Variants in CC2D1B observed in about 807,000 individuals in gnomAD.
CC2D1B encodes coiled-coil and C2 domain containing 1B.
In CC2D1B, 92 loss-of-function variants were observed where a neutral mutation model predicts 110.8. That is an observed-to-expected ratio of 0.83 (90% CI 0.70 to 0.99). The LOEUF (loss-of-function observed/expected upper bound fraction) is 0.99, where lower values mean the gene tolerates loss of function less well. Ranked by LOEUF, CC2D1B falls within the 50% of genes least tolerant of loss-of-function variation. The probability of loss-of-function intolerance (pLI) is 0.00; values close to 1 mark genes in which losing one functional copy is unlikely to be tolerated. For synonymous variants in CC2D1B, 406 were observed against 429.2 expected (o/e 0.95, Z 0.67); for missense variants, 1,136 against 1,089.0 (o/e 1.04, Z -0.61).
intron 16 of CC2D1B, 48 bp downstream of exon 16, chr1:52,356,953 G>A: frequency 6.6e-7 from 1 of 1,526,304 alleles, no homozygotes; most frequent in Non-Finnish European, 8.8e-7. Context: ...TTCCTCCACG[G>A]GGAGGCTGTG....
chr1:52,359,244 C>T lies in CC2D1B; in HGVS notation c.1126+6G>A. The T allele has an allele frequency of 1.9e-6, 3 of 1,611,852 alleles. No individual in the cohort carries two copies. The highest frequency in any genetic ancestry group is 2.5e-6 in the Non-Finnish European group (3 of 1,178,574). The stretch of plus-strand genomic sequence containing the variant: ...CCCACGCCACAGTCCCACCATCCTG[C>T]CCTACCTGGGGTTGCTGGGACGTCA... On this transcript the variant is annotated splice_donor_region_variant and intron_variant, in intron 10 of 24. Transcript: ENST00000284376.
chr1:52,356,588 C>G (rs1646657758), intron 16 of CC2D1B, 146 bp from the exon 17 acceptor site: 2 of 772,248 alleles, frequency 2.6e-6, no homozygotes, highest in Non-Finnish European at 4.3e-6. Context: ...GCACTACTCC[C>G]AAGTCCCACC....
rs1181281999 is a variant in CC2D1B, at chr1:52,359,701, A to G, written c.942+4T>C. 2 of 1,595,000 alleles carry G rather than the reference A, an allele frequency of 1.3e-6. No individual in the cohort carries two copies. Among genetic ancestry groups the G allele is most frequent in the Non-Finnish European group, 8.5e-7 (1 of 1,170,618 alleles). Reference sequence around the variant, plus strand: ...GGGTGGGTGCCCTGAGCCAGATGCCATACCTTCCCAATCCTCATGAGCTCT... The same window carrying G: ...GGGTGGGTGCCCTGAGCCAGATGCCGTACCTTCCCAATCCTCATGAGCTCT... On this transcript the variant is annotated splice_donor_region_variant and intron_variant, in intron 8 of 24. Transcript: ENST00000284376.
In CC2D1B at chr1:52,350,843, T is replaced by C. The variant is rs1646521740; in HGVS notation, c.*2382A>G. On this transcript the variant is annotated 3_prime_UTR_variant, in exon 25 of 25. Coordinates refer to ENST00000284376, the MANE Select transcript of CC2D1B (RefSeq NM_001330585.2). ...TCACTGCAACCTCTGCTTCCTGGGC[T>C]CAAGGGATTCGTGTGTCTCAGCCTC... 1 of 152,270 alleles carries C rather than the reference T, an allele frequency of 6.6e-6. No individual in the cohort carries two copies. Among genetic ancestry groups the C allele is most frequent in the Non-Finnish European group, 1.5e-5 (1 of 68,108 alleles). 9.4% of individuals were successfully genotyped at this position (152,270 alleles called of 1,614,324 possible). A position where few individuals can be genotyped will look rare whatever the true frequency, so the allele number is the denominator to read the frequency against.
At position 52,359,546 on chromosome 1, in the gene CC2D1B, G is replaced by A. The variant is rs1470626389; in HGVS notation, c.943-12C>T. On this transcript the variant is annotated splice_polypyrimidine_tract_variant and intron_variant, in intron 8 of 24. Transcript: ENST00000284376. ...ACAGCACCGAATCTCTGCAGAAGTT[G>A]GAAAAGCAGGTGTGGGTGAAAGACA... 1 of 1,612,818 alleles carries A rather than the reference G, an allele frequency of 6.2e-7. No homozygotes were observed. The highest frequency in any genetic ancestry group is 1.1e-5 in the South Asian group (1 of 90,972).
At chr1:52,353,833 G>A (rs1371474247) in intron 23 of CC2D1B, 186 bp from the exon 24 acceptor site, 3 of 536,652 alleles carry the variant, frequency 5.6e-6, no homozygotes, top group Non-Finnish European at 9.9e-6. Flanking sequence ...GGTTTTAGGT[G>A]AGTCTTATTA....
chr1:52,353,454 A>G, intron 24 of CC2D1B, 64 bp downstream of exon 24: 1 of 1,551,122 alleles, frequency 6.4e-7, no homozygotes, highest in Non-Finnish European at 8.7e-7. Context: ...TCCAGATATG[A>G]GTTGAGTAGT....
chr1:52,355,489 CAA>C (rs1444877781), intron 20 of CC2D1B, 40 bp from the exon 21 acceptor site: 1 of 1,612,874 alleles, frequency 6.2e-7, no homozygotes, highest in East Asian at 2.2e-5. Context: ...AGCGTATAAA[CAA>C]AGAGGCACAC....
chr1:52,363,534 T>A (rs1646827631), intron 2 of CC2D1B, among the ~76,000 whole-genome samples: 1 of 152,170 alleles, frequency 6.6e-6, no homozygotes, highest in Non-Finnish European at 1.5e-5. Context: ...ACCATCGCCA[T>A]CATCCATCCA....
In CC2D1B at chr1:52,355,808, C is replaced by G. The variant is rs1402723621; in HGVS notation, c.2091G>C (p.Leu697=). 1.2e-6 allele frequency: 2 copies of G among 1,613,986 alleles called. No homozygotes were observed. The highest frequency in any genetic ancestry group is 1.7e-5 in the Admixed American group (1 of 59,986). Residue 697 remains leucine, a synonymous_variant, in exon 19 of 25, where the codon CTG becomes CTC. Transcript: ENST00000284376. ...FSELNSTEMH[L]IIVRGMNLPA... is the part of the protein sequence containing the mutation. ...GGAGGTTCATTCCCCGGACAATGAT[C>G]AGATGCATTTCTGTGCTGTTGAGTT...
In CC2D1B at chr1:52,353,446, CAGATATGAGTTG is replaced by C. The variant is rs1056875471; in HGVS notation, c.*1+60_*1+71del. 5.2e-6 allele frequency: 8 copies of C among 1,538,820 alleles called. No individual in the cohort carries two copies. The Admixed American group carries it at 1.7e-4, about 33-fold the overall frequency. Reference sequence around the variant, plus strand: ...ATGAGAAACTCCTAGGTTTTCTCTCCAGATATGAGTTGAGTAGTTAGTTGAGTAAAAGGAGGG... The same window carrying C: ...ATGAGAAACTCCTAGGTTTTCTCTCCAGTAGTTAGTTGAGTAAAAGGAGGG... On this transcript the variant is annotated intron_variant, in intron 24 of 24. Transcript: ENST00000284376.
At position 52,359,530 on chromosome 1, in the gene CC2D1B, A is replaced by C. The variant is rs1646732495; in HGVS notation, c.947T>G (p.Phe316Cys). The C allele has an allele frequency of 1.9e-6, 3 of 1,613,706 alleles. No individual in the cohort carries two copies. Among genetic ancestry groups the C allele is most frequent in the Non-Finnish European group, 2.5e-6 (3 of 1,179,984 alleles). Residue 316 changes from phenylalanine to cysteine, a missense_variant, in exon 9 of 25, where the codon TTC (phenylalanine) becomes TGC (cysteine). By Grantham distance (205) the Phe-to-Cys change is radical. Coordinates refer to ENST00000284376, the MANE Select transcript of CC2D1B (RefSeq NM_001330585.2). ...ARELMRIGKRFGAVLEALEKG... is the reference protein window; with the variant it reads ...ARELMRIGKRCGAVLEALEKG... ...CTCCAGGGCCTCCAGGACAGCACCGAATCTCTGCAGAAGTTGGAAAAGCAG... is the reference window on the plus strand; with the variant it reads ...CTCCAGGGCCTCCAGGACAGCACCGCATCTCTGCAGAAGTTGGAAAAGCAG...
rs1646606677 is a variant in CC2D1B at position 52,354,715 on chromosome 1, C to T, written c.2340-17G>A. On this transcript the variant is annotated splice_polypyrimidine_tract_variant and intron_variant, in intron 22 of 24. Transcript: ENST00000284376. ...AAGAAGGACCTGGGGAGTCAAGAGG[C>T]AGCAGAGGATTGGACTGGGCAGGGA... The T allele has an allele frequency of 6.2e-7, 1 of 1,613,666 alleles. No homozygotes were observed. Among genetic ancestry groups the T allele is most frequent in the African/African-American group, 1.3e-5 (1 of 75,038 alleles).
chr1:52,354,507 T>C, intron 23 of CC2D1B, 101 bp downstream of exon 23: 1 of 972,208 alleles, frequency 1.0e-6, no homozygotes, highest in Non-Finnish European at 1.7e-6. Flanking sequence ...GAATTTCAAA[T>C]TAAGTAATGA....
At chr1:52,360,371 C>T (rs111379731) in intron 6 of CC2D1B, 53 bp downstream of exon 6, 37 of 1,601,748 alleles carry the variant, frequency 2.3e-5, no homozygotes, top group Middle Eastern at 3.4e-4. Context: ...CTCCACCAGC[C>T]GCCTTTCATG....
intron 2 of CC2D1B, 109 bp from the exon 3 acceptor site, chr1:52,362,855 G>C (rs1646811996): frequency 2.7e-6 from 3 of 1,103,988 alleles, no homozygotes; most frequent in Admixed American, 4.5e-5. Context: ...CCTTCAGTCT[G>C]TGAGGCCCAA....
rs1646876327 is a variant in CC2D1B, at chr1:52,366,147, C to G, written c.-93G>C. 6.6e-6 allele frequency: 1 copy of G among 152,242 alleles called. No individual in the cohort carries two copies. 9.4% of individuals were successfully genotyped at this position (152,242 alleles called of 1,614,324 possible). A position where few individuals can be genotyped will look rare whatever the true frequency, so the allele number is the denominator to read the frequency against. ...GGCTCCCGCGGGCCCTGGGCCGCAGCGGTAGCGACAGGAAGCGCCAGCAGG... is the reference window on the plus strand; with the variant it reads ...GGCTCCCGCGGGCCCTGGGCCGCAGGGGTAGCGACAGGAAGCGCCAGCAGG... On this transcript the variant is annotated 5_prime_UTR_variant, in exon 1 of 25. Transcript: ENST00000284376.
intron 2 of CC2D1B, among the ~76,000 whole-genome samples, chr1:52,364,334 A>G (rs1024980597): frequency 2.0e-5 from 3 of 152,194 alleles, no homozygotes; most frequent in Non-Finnish European, 4.4e-5. Flanking sequence ...CTGAGGTCCC[A>G]TCAGAACATC....
intron 24 of CC2D1B, 109 bp downstream of exon 24, chr1:52,353,409 T>A: frequency 6.6e-7 from 1 of 1,522,292 alleles, no homozygotes; most frequent in South Asian, 1.3e-5. Context: ...GCATGGTAGG[T>A]CTTTCTCATA....
Sources: gnomAD v4.1 joint callset for allele counts (sites outside exome capture counted in the v4.1 genomes callset) on GRCh38, gnomAD v4.1.1 for gene constraint, MANE v1.5 for transcripts, NCBI Gene and HGNC (gene_info 2026-07-23, HGNC 2026-07-21) for gene names.